The following IFT74 variants were observed in gnomAD, a reference collection of about 807,000 sequenced individuals.
IFT74 encodes intraflagellar transport 74.
In IFT74, 92 loss-of-function variants were observed where a neutral mutation model predicts 96.7. That is an observed-to-expected ratio of 0.95 (90% CI 0.80 to 1.13). IFT74 has a LOEUF of 1.13. Among genes scored for constraint, IFT74 ranks in the 50% most tolerant of loss-of-function variants. The pLI is 0.00. For synonymous variants in IFT74, 223 were observed against 213.2 expected (o/e 1.05, Z -0.40); for missense variants, 811 against 698.2 (o/e 1.16, Z -1.82).
At position 26,962,040 on chromosome 9, in the gene IFT74, C is replaced by G; in HGVS notation, c.73C>G (p.Pro25Ala). Residue 25 changes from proline to alanine, a missense_variant, in exon 2 of 20, where the codon CCT becomes GCT. By Grantham distance (27) the Pro-to-Ala change is conservative (BLOSUM62 -1). Coordinates refer to ENST00000380062, the MANE Select transcript of IFT74 (RefSeq NM_025103.4). ...TGGAGTTGGGTTAACAGGAAGGCCT[C>G]CTTCTGGGATACGACCCCTATCAGG... ...RGGVGLTGRPPSGIRPLSGNI... is the reference protein window; with the variant it reads ...RGGVGLTGRPASGIRPLSGNI... The G allele has an allele frequency of 6.2e-7, 1 of 1,614,168 alleles. No homozygotes were observed. Among genetic ancestry groups the G allele is most frequent in the Non-Finnish European group, 8.5e-7 (1 of 1,180,004 alleles).
chr9:26,979,932 C>T (rs996464423), intron 3 of IFT74, among the ~76,000 whole-genome samples: 1 of 151,970 alleles, frequency 6.6e-6, no homozygotes, highest in East Asian at 1.9e-4. Context: ...CCAGGCTGGT[C>T]TTGAACTTCT....
Position 27,040,544 on chromosome 9 carries a change from C to CAAA in IFT74, c.1055-4177_1055-4175dup, listed in dbSNP as rs751893169. ...TGGGCAACAGAACGAGACACTGTCTCAAAAAAAAAAAAAAAAAAAAAAAGA... is the reference window on the plus strand; with the variant it reads ...TGGGCAACAGAACGAGACACTGTCTCAAAAAAAAAAAAAAAAAAAAAAAAAAGA... On this transcript the variant is annotated intron_variant, in intron 13 of 19. Coordinates refer to ENST00000380062, the MANE Select transcript of IFT74 (RefSeq NM_025103.4). 8.6e-3 allele frequency among the ~76,000 whole-genome samples: 527 copies of CAAA among 61,028 alleles called. 16 individuals carry two copies. Among genetic ancestry groups the CAAA allele is most frequent in the African/African-American group, 0.023 (407 of 17,642 alleles). 40.0% of individuals were successfully genotyped at this position (61,028 alleles called of 152,430 possible).
At chr9:26,992,114 T>G (rs1474834430) in intron 8 of IFT74, among the ~76,000 whole-genome samples, 2 of 152,236 alleles carry the variant, frequency 1.3e-5, no homozygotes, top group Non-Finnish European at 2.9e-5. Context: ...AGTTCTCATT[T>G]ATTTCATCAT....
chr9:26,952,953 A>C (rs1825979750), upstream of IFT74, among the ~76,000 whole-genome samples: 1 of 152,236 alleles, frequency 6.6e-6, no homozygotes, highest in African/African-American at 2.4e-5. Flanking sequence ...TCAAATGATT[A>C]AAGTTAAAGG....
intron 13 of IFT74, among the ~76,000 whole-genome samples, chr9:27,036,293 A>G (rs1007775592): frequency 6.6e-6 from 1 of 152,208 alleles, no homozygotes; most frequent in African/African-American, 2.4e-5. Flanking sequence ...CTGTTTTTCA[A>G]GGGTCAACTG....
intron 6 of IFT74, among the ~76,000 whole-genome samples, chr9:26,986,290 G>C (rs1827628185): frequency 1.3e-5 from 2 of 149,322 alleles, no homozygotes; most frequent in African/African-American, 2.5e-5. Context: ...GTTACTGGTG[G>C]TGGTGGTGGG....
chr9:26,977,811 G>A (rs1259214348), intron 2 of IFT74, among the ~76,000 whole-genome samples: 1 of 152,026 alleles, frequency 6.6e-6, no homozygotes, highest in Non-Finnish European at 1.5e-5. Context: ...TTTATATACT[G>A]CAGCTTATTT....
At chr9:27,060,021 A>G (rs1437276483) in intron 18 of IFT74, among the ~76,000 whole-genome samples, 1 of 152,340 alleles carries the variant, frequency 6.6e-6, no homozygotes, top group East Asian at 1.9e-4. Context: ...TGAGGAAGCA[A>G]CCATCAATAT....
intron 10 of IFT74, 85 bp from the exon 11 acceptor site, chr9:27,016,822 C>T: frequency 2.0e-6 from 2 of 995,716 alleles, no homozygotes; most frequent in Admixed American, 5.9e-5. Flanking sequence ...TTTAAATTTA[C>T]CCCCATTCTT....
In IFT74 at chr9:26,967,502, T is replaced by C. The variant is rs551061815; in HGVS notation, c.120+5415T>C. Among the ~76,000 whole-genome samples, 5 of 152,302 alleles carry C rather than the reference T, an allele frequency of 3.3e-5. No homozygotes were observed. In the East Asian group the frequency reaches 9.6e-4, roughly 29 times the overall value. ...CAGATAGTTTTTTTGGTGGAGTCTT[T>C]AGGTTTTTCCAAATATAAGATCATA... On this transcript the variant is annotated intron_variant, in intron 2 of 19. Coordinates refer to ENST00000380062, the MANE Select transcript of IFT74 (RefSeq NM_025103.4).
chr9:27,055,318 GATTAT>G (rs1231278532), intron 16 of IFT74, among the ~76,000 whole-genome samples: 1 of 151,928 alleles, frequency 6.6e-6, no homozygotes, highest in Non-Finnish European at 1.5e-5. Flanking sequence ...TCATAATATA[GATTAT>G]ATTACTAAGC....
intron 16 of IFT74, among the ~76,000 whole-genome samples, chr9:27,051,937 A>C (rs575244240): frequency 1.3e-5 from 2 of 152,264 alleles, no homozygotes; most frequent in Admixed American, 6.5e-5. Context: ...ATATTTAAGA[A>C]TATTTTCTCT....
intron 2 of IFT74, chr9:26,976,826 T>C (rs1304861153): frequency 2.2e-6 from 1 of 455,170 alleles, no homozygotes; most frequent in Admixed American, 2.4e-5. Flanking sequence ...TTTTGGCCTT[T>C]CCTGAGGTCG....
intron 14 of IFT74, among the ~76,000 whole-genome samples, chr9:27,046,930 T>G (rs1030931709): frequency 6.6e-6 from 1 of 152,172 alleles, no homozygotes; most frequent in Non-Finnish European, 1.5e-5. Context: ...ATCCCAGCAC[T>G]TTGGGAGGCC....
intron 11 of IFT74, among the ~76,000 whole-genome samples, chr9:27,018,210 A>C (rs1374169775): frequency 6.6e-6 from 1 of 152,226 alleles, no homozygotes. Context: ...TTGCTTGTCA[A>C]TGATATGGAT....
intron 13 of IFT74, among the ~76,000 whole-genome samples, chr9:27,042,631 C>G (rs955988186): frequency 1.7e-4 from 26 of 152,102 alleles, no homozygotes; most frequent in Middle Eastern, 3.2e-3. Flanking sequence ...TAGGAATTCT[C>G]TTAAGATTAA....
At chr9:27,045,801 A>G (rs2131681603) in intron 14 of IFT74, among the ~76,000 whole-genome samples, 1 of 152,274 alleles carries the variant, frequency 6.6e-6, no homozygotes, top group South Asian at 2.1e-4. Flanking sequence ...CTTATTTTAC[A>G]ATGTACCAAG....
chr9:27,004,571 A>G (rs1364671416), intron 8 of IFT74, among the ~76,000 whole-genome samples: 2 of 152,222 alleles, frequency 1.3e-5, no homozygotes, highest in Non-Finnish European at 2.9e-5. Context: ...AAAATCAGAT[A>G]CGCAGAATAG....
At chr9:26,960,814 G>C (rs1376958490) in intron 1 of IFT74, among the ~76,000 whole-genome samples, 1 of 151,888 alleles carries the variant, frequency 6.6e-6, no homozygotes, top group Non-Finnish European at 1.5e-5. Context: ...TCCATGTCTC[G>C]CCATGGCTAT....
Sources: allele counts gnomAD v4.1 joint callset (sites outside exome capture counted in the v4.1 genomes callset), GRCh38; gene constraint gnomAD v4.1.1; transcripts MANE v1.5; gene names NCBI Gene and HGNC (gene_info 2026-07-23, HGNC 2026-07-21).